Variants in OSBPL11 observed in about 807,000 individuals in gnomAD.
OSBPL11 encodes oxysterol binding protein like 11.
Under a neutral mutation model 84.4 loss-of-function variants are expected in OSBPL11, and 33 were observed. The ratio of observed to expected loss-of-function variants is 0.39; its 90% CI spans 0.30 to 0.52. OSBPL11 has a LOEUF of 0.52. OSBPL11 is among the 20% of genes least tolerant of loss of function. OSBPL11 has a pLI of 0.72. For synonymous variants in OSBPL11, 276 were observed against 310.2 expected (o/e 0.89, Z 1.16); for missense variants, 736 against 901.1 (o/e 0.82, Z 2.35).
intron 1 of OSBPL11, among the ~76,000 whole-genome samples, chr3:125,589,342 CAAA>C (rs35267505): frequency 3.2e-5 from 2 of 62,026 alleles, no homozygotes; most frequent in Non-Finnish European, 6.8e-5. Flanking sequence ...AACTCCATCT[CAAA>C]AAAAAAAAAA....
intron 11 of OSBPL11, among the ~76,000 whole-genome samples, chr3:125,532,631 C>CTGTT (rs964459446): frequency 3.4e-5 from 5 of 146,882 alleles, no homozygotes; most frequent in African/African-American, 1.3e-4. Flanking sequence ...AGGGAAAGAA[C>CTGTT]TGTTTGTTGA....
chr3:125,570,330 C>CAA (rs1251584217), intron 5 of OSBPL11, among the ~76,000 whole-genome samples: 22,888 of 119,004 alleles, frequency 0.19, 2,712 homozygotes, highest in African/African-American at 0.35. Context: ...CCATCTCTAG[C>CAA]AAAAAAAAAA....
chr3:125,555,873 G>A (rs1935984220), intron 8 of OSBPL11, among the ~76,000 whole-genome samples: 1 of 151,942 alleles, frequency 6.6e-6, no homozygotes, highest in African/African-American at 2.4e-5. Flanking sequence ...TTAGTAGAGG[G>A]GATTTTGCCA....
Position 125,552,387 on chromosome 3 carries a change from T to C in OSBPL11, c.1448A>G (p.Asn483Ser), listed in dbSNP as rs775568726. Residue 483 changes from asparagine (N) to serine (S), a missense_variant, in exon 9 of 13, where the codon AAT (asparagine) becomes AGT (serine). By Grantham distance (46) the Asn-to-Ser change is conservative. Around this residue, in one of 3 missense-constraint regions of OSBPL11, gnomAD observed 579 missense variants for 717.6 expected, o/e 0.81. Transcript: ENST00000296220. ...AGACTCCCCCGATAAAGGAGCATGA[T>C]TTGTGACTCCCTGGGTGGAAGAACT... is the stretch of plus-strand genomic sequence containing the variant. ...FSSSSTQGVT[N>S]HAPLSGESLT... 6.2e-7 allele frequency: 1 copy of C among 1,614,074 alleles called. No homozygotes were observed.
intron 6 of OSBPL11, among the ~76,000 whole-genome samples, chr3:125,566,916 G>A (rs572169124): frequency 6.6e-6 from 1 of 152,054 alleles, no homozygotes; most frequent in Non-Finnish European, 1.5e-5. Context: ...CCAAGTAGCT[G>A]AGATTACAGG....
At chr3:125,569,847 T>C (rs1936217621) in intron 5 of OSBPL11, among the ~76,000 whole-genome samples, 1 of 152,186 alleles carries the variant, frequency 6.6e-6, no homozygotes, top group East Asian at 1.9e-4. Flanking sequence ...GATTCCAGTT[T>C]TAGAAGCATC....
At chr3:125,568,594 T>C (rs1317222729) in intron 5 of OSBPL11, among the ~76,000 whole-genome samples, 1 of 152,212 alleles carries the variant, frequency 6.6e-6, no homozygotes, top group Non-Finnish European at 1.5e-5. Flanking sequence ...AATTTGAACC[T>C]ACTATGAGTG....
chr3:125,552,087 A>C, intron 9 of OSBPL11, 94 bp downstream of exon 9: 3 of 746,276 alleles, frequency 4.0e-6, no homozygotes, highest in Non-Finnish European at 5.4e-6. Flanking sequence ...AAGCCTTTTA[A>C]AGTAAACTTT....
At chr3:125,590,597 T>C (rs1936580983) in intron 1 of OSBPL11, among the ~76,000 whole-genome samples, 2 of 152,130 alleles carry the variant, frequency 1.3e-5, no homozygotes, top group South Asian at 4.1e-4. Flanking sequence ...ATGAGATTGT[T>C]TTGTAAATGC....
chr3:125,552,743 A>T, intron 8 of OSBPL11, 64 bp from the exon 9 acceptor site: 1 of 1,500,776 alleles, frequency 6.7e-7, no homozygotes, highest in South Asian at 1.3e-5. Flanking sequence ...GTAGACAACT[A>T]TTCTCTCTCT....
intron 8 of OSBPL11, among the ~76,000 whole-genome samples, chr3:125,553,724 G>T (rs529527037): frequency 4.5e-4 from 69 of 152,264 alleles, no homozygotes; most frequent in African/African-American, 1.6e-3. Flanking sequence ...CTGAAGTAGG[G>T]AACTTTCATT....
chr3:125,594,633 A>G lies in OSBPL11; in HGVS notation c.164+4T>C, dbSNP rs767584993. On this transcript the variant is annotated splice_donor_region_variant and intron_variant, in intron 1 of 12. Transcript: ENST00000296220. The stretch of plus-strand genomic sequence containing the variant: ...GGGAAATAATTTTGGAGAAAGGAGC[A>G]TACCTGTACTGCCAGCCTTTTGCAC... 2.0e-5 allele frequency: 32 copies of G among 1,612,666 alleles called. No individual in the cohort carries two copies. Among genetic ancestry groups the G allele is most frequent in the Non-Finnish European group, 2.7e-5 (32 of 1,179,788 alleles).
chr3:125,587,431 T>C (rs1936530854), intron 1 of OSBPL11, among the ~76,000 whole-genome samples: 1 of 152,194 alleles, frequency 6.6e-6, no homozygotes, highest in Non-Finnish European at 1.5e-5. Context: ...GTCATCAGCA[T>C]ATAAGCATAT....
intron 1 of OSBPL11, among the ~76,000 whole-genome samples, chr3:125,592,241 G>A (rs964263458): frequency 5.3e-5 from 8 of 152,102 alleles, no homozygotes; most frequent in Admixed American, 4.6e-4. Context: ...GTCTCTCTAT[G>A]TTGCCCAGGC....
chr3:125,536,070 G>A (rs1935636395), intron 11 of OSBPL11, among the ~76,000 whole-genome samples: 2 of 150,424 alleles, frequency 1.3e-5, no homozygotes, highest in Admixed American at 1.3e-4. Flanking sequence ...AGGAGGCAGA[G>A]GTTGCAGTGA....
At position 125,530,584 on chromosome 3, in the gene OSBPL11, A is replaced by C. The variant is rs773856878; in HGVS notation, c.2179-4T>G. The stretch of plus-strand genomic sequence containing the variant: ...TATGATAAACCCAGCCATCTCCCTG[A>C]AACAAATAAAAAGATAAAGAATCAT... On this transcript the variant is annotated splice_region_variant and splice_polypyrimidine_tract_variant and intron_variant, in intron 12 of 12. Coordinates refer to ENST00000296220, the MANE Select transcript of OSBPL11 (RefSeq NM_022776.5). The C allele has an allele frequency of 7.0e-5, 112 of 1,610,114 alleles. No homozygotes were observed. The highest frequency in any genetic ancestry group is 9.3e-5 in the Non-Finnish European group (110 of 1,176,492).
intron 1 of OSBPL11, among the ~76,000 whole-genome samples, chr3:125,589,997 C>T (rs1262281328): frequency 2.0e-5 from 3 of 152,174 alleles, no homozygotes; most frequent in Non-Finnish European, 4.4e-5. Flanking sequence ...TAGTTCTCTT[C>T]TGCCCATTTT....
chr3:125,572,865 T>TTA (rs950498593), intron 5 of OSBPL11, among the ~76,000 whole-genome samples: 16 of 146,154 alleles, frequency 1.1e-4, no homozygotes, highest in Non-Finnish European at 1.9e-4. Flanking sequence ...ATTTATATAT[T>TTA]TATATATATA....
intron 1 of OSBPL11, among the ~76,000 whole-genome samples, chr3:125,586,525 T>A (rs1936513903): frequency 6.6e-6 from 1 of 152,094 alleles, no homozygotes; most frequent in Non-Finnish European, 1.5e-5. Flanking sequence ...TCTTTTTTTT[T>A]TTTTTGAGAT....
Sources: allele counts gnomAD v4.1 joint callset (sites outside exome capture counted in the v4.1 genomes callset), GRCh38; gene constraint gnomAD v4.1.1; regional missense constraint gnomAD v4.1.1; transcripts MANE v1.5; gene names NCBI Gene and HGNC (gene_info 2026-07-23, HGNC 2026-07-21).